Variants in NEB observed in about 807,000 individuals in gnomAD.
NEB encodes nemaline myopathy type 2.
NEB carries 512 observed loss-of-function variants against 952.2 expected under a neutral mutation model. The ratio of observed to expected loss-of-function variants is 0.54; its 90% CI spans 0.50 to 0.58. The LOEUF is 0.58. Ranked by LOEUF, NEB falls within the 20% of genes least tolerant of loss-of-function variation. The pLI, the probability that NEB is intolerant of heterozygous loss-of-function variation, is 0.00. For synonymous variants in NEB, 2,900 were observed against 3,149.8 expected (o/e 0.92, Z 2.66); for missense variants, 8,428 against 9,231.1 (o/e 0.91, Z 3.56).
At chr2:151,490,230 C>T (rs1307857917) in intron 180 of NEB, 142 bp downstream of exon 180, 3 of 1,190,062 alleles carry the variant, frequency 2.5e-6, no homozygotes, top group Non-Finnish European at 3.5e-6. Context: ...CTTCATGCAG[C>T]CCTCCACAAT....
rs753245497 is a variant in NEB, at chr2:151,656,040, C to G, written c.6496-17G>C. Reference sequence around the variant, plus strand: ...ATATTCATTCTATAAAGAAGATAAGCAAATTCTACTTTATCTTATCCATTT... The same window carrying G: ...ATATTCATTCTATAAAGAAGATAAGGAAATTCTACTTTATCTTATCCATTT... On this transcript the variant is annotated splice_polypyrimidine_tract_variant and intron_variant, in intron 49 of 181. Transcript: ENST00000397345. 1.3e-5 allele frequency: 21 copies of G among 1,607,426 alleles called. No individual in the cohort carries two copies. Among genetic ancestry groups the G allele is most frequent in the Non-Finnish European group, 1.6e-5 (19 of 1,174,844 alleles).
chr2:151,546,385 G>A lies in NEB; in HGVS notation c.20426C>T (p.Thr6809Ile), dbSNP rs774859436. The change falls in exon 134 of 182, where the codon ACT becomes ATT. Residue 6809 changes from threonine to isoleucine, a missense_variant. Around this residue, in one of 11 missense-constraint regions of NEB, gnomAD observed 3,374 missense variants for 3,651.5 expected, o/e 0.92. Transcript: ENST00000397345. ...LKGFGCFLYD[T>I]PDMVRSRHLR... ...GTGCCGGGAGCGGACCATGTCAGGA[G>A]TGTCATACAGGAAGCAGCCAAATCC... 2 of 1,613,440 alleles carry A rather than the reference G, an allele frequency of 1.2e-6. No individual in the cohort carries two copies. The highest frequency in any genetic ancestry group is 2.7e-5 in the African/African-American group (2 of 74,898).
chr2:151,650,188 T>A lies in NEB; in HGVS notation c.7419A>T (p.Lys2473Asn). The A allele has an allele frequency of 1.2e-6, 2 of 1,613,838 alleles. No individual in the cohort carries two copies. The highest frequency in any genetic ancestry group is 1.7e-6 in the Non-Finnish European group (2 of 1,179,752). Residue 2473 changes from lysine to asparagine, a missense_variant, in exon 54 of 182, where the codon AAA (lysine) becomes AAT (asparagine). Lys to Asn is a moderately conservative substitution (Grantham distance 94, BLOSUM62 0). Transcript: ENST00000397345. ...GAGTGCTACTCACATCACTCCTATT[T>A]TTGGCATTTGTCTTTGCCAGAACTA... ...MDIVLAKTNA[K>N]NRSDRLYREA... is the part of the protein sequence containing the mutation.
chr2:151,546,011 A>AAC lies in NEB; in HGVS notation c.20467-14_20467-13insGT, dbSNP rs769300777. 4.2e-6 allele frequency: 6 copies of AAC among 1,437,562 alleles called. No homozygotes were observed. The highest frequency in any genetic ancestry group is 5.7e-6 in the Non-Finnish European group (6 of 1,044,710). 89.1% of individuals were successfully genotyped at this position (1,437,562 alleles called of 1,614,324 possible). A position where few individuals can be genotyped will look rare whatever the true frequency, so the allele number is the denominator to read the frequency against. On this transcript the variant is annotated splice_polypyrimidine_tract_variant and intron_variant, in intron 134 of 181. Coordinates refer to ENST00000397345, the MANE Select transcript of NEB (RefSeq NM_001164508.2). ...ATAGGTAATTAGACTTAAAAAAAAA[A>AAC]AAAAAAACAGAAATACAAGTTGATT...
At chr2:151,488,590 G>A (rs1019344820) in intron 181 of NEB, among the ~76,000 whole-genome samples, 2 of 152,002 alleles carry the variant, frequency 1.3e-5, no homozygotes, top group Admixed American at 6.5e-5. Context: ...AGACTGCAGC[G>A]AGCTGTGATC....
At chr2:151,508,526 G>GTCAAAGACATGACCTCTA (rs1456180505) in intron 161 of NEB, among the ~76,000 whole-genome samples, 2 of 152,072 alleles carry the variant, frequency 1.3e-5, no homozygotes, top group African/African-American at 4.8e-5. Context: ...AGGGTTAAGA[G>GTCAAAGACATGACCTCTA]TCAAAGACAT....
At chr2:151,551,095 G>A (rs1256160214) in intron 129 of NEB, among the ~76,000 whole-genome samples, 1 of 151,698 alleles carries the variant, frequency 6.6e-6, no homozygotes, top group East Asian at 1.9e-4. Context: ...AGCCTCCCAA[G>A]TAGCTGGGAT....
At chr2:151,640,132 T>C in intron 61 of NEB, 72 bp from the exon 62 acceptor site, 1 of 1,543,312 alleles carries the variant, frequency 6.5e-7, no homozygotes, top group Non-Finnish European at 8.9e-7. Context: ...GGATAAGAGA[T>C]CAAGTAAAAG....
At position 151,679,958 on chromosome 2, in the gene NEB, T is replaced by A. The variant is rs2099402276; in HGVS notation, c.3107A>T (p.Gln1036Leu). The change falls in exon 31 of 182, where the codon CAG becomes CTG. Residue 1036 changes from glutamine to leucine, a missense_variant. Gln to Leu is a moderately radical substitution (Grantham distance 113). This residue lies in a region of NEB where 2,851 missense variants were observed against 2,791.5 expected (regional missense o/e 1.02). Transcript: ENST00000397345. ...HKYNLPPDLP[Q>L]FIQAKVNAYN... ...GGCATTAACTTTAGCCTGGATGAAC[T>A]GGGGCAGGTCTGGTGGCAGGTTGTA... The A allele has an allele frequency of 6.2e-7, 1 of 1,613,776 alleles. No homozygotes were observed. The highest frequency in any genetic ancestry group is 1.3e-5 in the African/African-American group (1 of 74,930).
In NEB at chr2:151,576,167, G is replaced by C; in HGVS notation, c.16892C>G (p.Ala5631Gly). Residue 5631 changes from alanine (A) to glycine (G), a missense_variant, in exon 106 of 182, where the codon GCT (alanine) becomes GGT (glycine). Coordinates refer to ENST00000397345, the MANE Select transcript of NEB (RefSeq NM_001164508.2). Reference sequence around the variant, plus strand: ...CTAACTCACAATACTAATATTTTCAGCATTTGATTTAGCAAGGACCACTTC... The same window carrying C: ...CTAACTCACAATACTAATATTTTCACCATTTGATTTAGCAAGGACCACTTC... ...TPEVVLAKSN[A>G]ENISIPKYRE... is the part of the protein sequence containing the mutation. 6.3e-7 allele frequency: 1 copy of C among 1,596,054 alleles called. No homozygotes were observed. The highest frequency in any genetic ancestry group is 8.6e-7 in the Non-Finnish European group (1 of 1,168,656).
intron 71 of NEB, among the ~76,000 whole-genome samples, chr2:151,622,104 G>A (rs35886539): frequency 3.3e-5 from 5 of 152,102 alleles, no homozygotes; most frequent in South Asian, 2.1e-4. Flanking sequence ...AGGTTCAAGC[G>A]ATTCTCGTGC....
Position 151,697,257 on chromosome 2 carries a change from G to A in NEB, c.1366-5C>T. On this transcript the variant is annotated splice_region_variant and splice_polypyrimidine_tract_variant and intron_variant, in intron 15 of 181. Transcript: ENST00000397345. ...GTATTCTGCTTTGTAGTTTTTCTATGAGGAGAAGAAATTAGGCATAAGATG... is the reference window on the plus strand; with the variant it reads ...GTATTCTGCTTTGTAGTTTTTCTATAAGGAGAAGAAATTAGGCATAAGATG... 2 of 1,613,334 alleles carry A rather than the reference G, an allele frequency of 1.2e-6. No individual in the cohort carries two copies. The highest frequency in any genetic ancestry group is 1.7e-6 in the Non-Finnish European group (2 of 1,179,362).
intron 167 of NEB, among the ~76,000 whole-genome samples, 177 bp downstream of exon 167, chr2:151,502,616 A>AACAC (rs1250194695): frequency 3.3e-5 from 5 of 152,174 alleles, no homozygotes; most frequent in Non-Finnish European, 4.4e-5. Context: ...TTTTAGAGAA[A>AACAC]ACACAGTTAA....
intron 175 of NEB, 66 bp from the exon 176 acceptor site, chr2:151,493,511 A>G: frequency 9.4e-7 from 1 of 1,063,668 alleles, no homozygotes; most frequent in African/African-American, 1.6e-5. Flanking sequence ...ATCATCACTT[A>G]GCTGGTGTTA....
intron 153 of NEB, among the ~76,000 whole-genome samples, chr2:151,523,251 T>C (rs553610068): frequency 1.3e-5 from 2 of 152,300 alleles, no homozygotes; most frequent in South Asian, 4.1e-4. Flanking sequence ...TAATAAAATA[T>C]GTTACATAGG....
chr2:151,609,701 A>G, intron 81 of NEB, 108 bp downstream of exon 81: 1 of 987,248 alleles, frequency 1.0e-6, no homozygotes, highest in Non-Finnish European at 1.4e-6. Flanking sequence ...CCCCACCCCC[A>G]GGTTTGTGCA....
rs778536955 is a variant in NEB at position 151,524,384 on chromosome 2, C to T, written c.22406G>A (p.Gly7469Asp). 1.9e-6 allele frequency: 3 copies of T among 1,613,950 alleles called. No individual in the cohort carries two copies. The highest frequency in any genetic ancestry group is 8.5e-7 in the Non-Finnish European group (1 of 1,179,876). The change falls in exon 153 of 182, where the codon GGC (glycine) becomes GAC (aspartate). Residue 7469 changes from glycine to aspartate, a missense_variant. By Grantham distance (94) the Gly-to-Asp change is moderately conservative. Coordinates refer to ENST00000397345, the MANE Select transcript of NEB (RefSeq NM_001164508.2). The part of the protein sequence containing the change: ...VEYRAKHRKE[G>D]SHGLSMLGRP... ...ACCGAGCATGCTTAAGCCATGGCTGCCTTCCTTGCGGTGCTTGGCTCTGTA... is the reference window on the plus strand; with the variant it reads ...ACCGAGCATGCTTAAGCCATGGCTGTCTTCCTTGCGGTGCTTGGCTCTGTA...
chr2:151,675,265 T>A, intron 35 of NEB, 22 bp downstream of exon 35: 4 of 1,489,124 alleles, frequency 2.7e-6, no homozygotes, highest in Non-Finnish European at 3.7e-6. Flanking sequence ...GAATTTCACA[T>A]CCCAGCAAAG....
At chr2:151,576,455 A>G (rs1257895828) in intron 105 of NEB, 101 bp from the exon 106 acceptor site, 1 of 290,326 alleles carries the variant, frequency 3.4e-6, no homozygotes, top group South Asian at 1.2e-4. Flanking sequence ...TATATTATAT[A>G]TACAACATAA....
Sources: gnomAD v4.1 joint callset for allele counts (sites outside exome capture counted in the v4.1 genomes callset) on GRCh38, gnomAD v4.1.1 for gene constraint, gnomAD v4.1.1 regional missense constraint, MANE v1.5 for transcripts, NCBI Gene and HGNC (gene_info 2026-07-23, HGNC 2026-07-21) for gene names.